SLK: variants seen among roughly 807,000 people sequenced by gnomAD.
The protein encoded by SLK is STE20 like kinase.
Under a neutral mutation model 147.7 loss-of-function variants are expected in SLK, and 67 were observed. The ratio of observed to expected loss-of-function variants is 0.45; its 90% CI spans 0.37 to 0.56. The LOEUF is 0.56. SLK is among the 20% of genes least tolerant of loss of function. The pLI is 0.00. For missense variants in SLK, 1,136 were observed against 1,438.8 expected, an observed-to-expected ratio of 0.79 and a Z score of 3.41; for synonymous variants, 441 against 475.0, an observed-to-expected ratio of 0.93 and a Z score of 0.93.
intron 4 of SLK, among the ~76,000 whole-genome samples, chr10:103,997,411 C>A (rs944148845): frequency 2.0e-5 from 3 of 152,186 alleles, no homozygotes; most frequent in Non-Finnish European, 2.9e-5. Context: ...GTCCTACTCC[C>A]TGCTTTTAAT....
intron 1 of SLK, among the ~76,000 whole-genome samples, chr10:103,990,192 G>A (rs1844073499): frequency 6.6e-6 from 1 of 152,152 alleles, no homozygotes; most frequent in African/African-American, 2.4e-5. Context: ...AGGAAGGAGG[G>A]GATGAGTAGG....
Position 104,002,262 on chromosome 10 carries a change from T to C in SLK, c.1084T>C (p.Ser362Pro), listed in dbSNP as rs1335734148. ...KLSQNACILE[S>P]VSEKTERSNS... ...TTCACAAAATGCTTGTATTTTGGAG[T>C]CTGTCTCAGAAAAAACAGAACGTAG... The change falls in exon 9 of 19, where the codon TCT becomes CCT. Residue 362 changes from serine (S) to proline (P), a missense_variant. Ser to Pro is a moderately conservative substitution (Grantham distance 74). Around this residue, in one of 6 missense-constraint regions of SLK, gnomAD observed 516 missense variants for 531.3 expected, o/e 0.97. Coordinates refer to ENST00000369755, the MANE Select transcript of SLK (RefSeq NM_014720.4). 1.2e-6 allele frequency: 2 copies of C among 1,612,766 alleles called. No individual in the cohort carries two copies. Among genetic ancestry groups the C allele is most frequent in the Middle Eastern group, 1.6e-4 (1 of 6,080 alleles).
rs145036013 is a variant in SLK, at chr10:103,997,226, G to A, written c.515-1673G>A. 5.3e-3 allele frequency among the ~76,000 whole-genome samples: 805 copies of A among 152,242 alleles called. 5 individuals carry two copies. Among genetic ancestry groups the A allele is most frequent in the African/African-American group, 0.018 (754 of 41,532 alleles). On this transcript the variant is annotated intron_variant, in intron 4 of 18. Coordinates refer to ENST00000369755, the MANE Select transcript of SLK (RefSeq NM_014720.4). ...TTTTACTTACCATAACGTTCTCAAG[G>A]TTCATCCACGTTGTAGCGTATTTCA...
rs1844614482 is a variant in SLK at position 104,027,550 on chromosome 10, T to G, written c.*1830T>G. 6.5e-6 allele frequency: 1 copy of G among 152,716 alleles called. No homozygotes were observed. Among genetic ancestry groups the G allele is most frequent in the Admixed American group, 6.5e-5 (1 of 15,302 alleles). 9.5% of individuals were successfully genotyped at this position (152,716 alleles called of 1,614,324 possible). ...TATTCAGGATGATGATAAAAATTGT[T>G]TATATTGTTATGATAAAAATGACAG... On this transcript the variant is annotated 3_prime_UTR_variant, in exon 19 of 19. Coordinates refer to ENST00000369755, the MANE Select transcript of SLK (RefSeq NM_014720.4).
intron 1 of SLK, among the ~76,000 whole-genome samples, chr10:103,983,874 A>G (rs920485329): frequency 6.6e-5 from 10 of 151,916 alleles, no homozygotes; most frequent in Non-Finnish European, 1.5e-4. Context: ...GCTGAGCAGC[A>G]CTCTGTCCTC....
chr10:104,016,932 C>T (rs1436239174), intron 13 of SLK, among the ~76,000 whole-genome samples: 1 of 152,210 alleles, frequency 6.6e-6, no homozygotes, highest in Non-Finnish European at 1.5e-5. Flanking sequence ...TCTAAATCCA[C>T]ACAAAAATTG....
At chr10:104,018,314 A>G in intron 14 of SLK, 25 bp downstream of exon 14, 4 of 1,585,884 alleles carry the variant, frequency 2.5e-6, no homozygotes, top group Non-Finnish European at 3.4e-6. Flanking sequence ...ATTAAGAAAT[A>G]CTGCAAAATG....
intron 13 of SLK, among the ~76,000 whole-genome samples, chr10:104,013,463 A>G (rs936186751): frequency 8.5e-5 from 13 of 152,266 alleles, no homozygotes; most frequent in Non-Finnish European, 1.5e-4. Context: ...TTTGGAAACC[A>G]CTGATCTAGT....
At chr10:103,994,783 T>G (rs1005763807) in intron 4 of SLK, among the ~76,000 whole-genome samples, 2 of 152,216 alleles carry the variant, frequency 1.3e-5, no homozygotes, top group African/African-American at 4.8e-5. Context: ...CCTGTTGTGT[T>G]TCCCTCAAAC....
At chr10:103,998,764 C>A in intron 4 of SLK, 135 bp from the exon 5 acceptor site, 1 of 581,660 alleles carries the variant, frequency 1.7e-6, no homozygotes, top group South Asian at 2.7e-5. Flanking sequence ...GGAGAGACAT[C>A]TTTTTCTTTC....
intron 1 of SLK, among the ~76,000 whole-genome samples, chr10:103,986,887 A>AGGCT (rs922291669): frequency 6.6e-6 from 1 of 152,064 alleles, no homozygotes; most frequent in Non-Finnish European, 1.5e-5. Context: ...CATGTTGGCC[A>AGGCT]GGCTGGTCTT....
At chr10:103,978,159 T>A (rs1201942964) in intron 1 of SLK, among the ~76,000 whole-genome samples, 1 of 152,200 alleles carries the variant, frequency 6.6e-6, no homozygotes, top group Non-Finnish European at 1.5e-5. Flanking sequence ...GTGAATTATT[T>A]TATAATATAT....
At chr10:104,017,271 C>T (rs1457638033) in intron 13 of SLK, among the ~76,000 whole-genome samples, 1 of 152,154 alleles carries the variant, frequency 6.6e-6, no homozygotes, top group Non-Finnish European at 1.5e-5. Flanking sequence ...ACTCACTTTC[C>T]TATCTCCAGT....
chr10:104,021,850 A>G lies in SLK; in HGVS notation c.3561+117A>G. ...CAGGGGCAGGAAACATAGAGATGAA[A>G]AGACAAAGTTTTTGTCCCCAGAAGT... On this transcript the variant is annotated intron_variant, in intron 18 of 18. Coordinates refer to ENST00000369755, the MANE Select transcript of SLK (RefSeq NM_014720.4). 5 of 607,354 alleles carry G rather than the reference A, an allele frequency of 8.2e-6. No individual in the cohort carries two copies. The South Asian group carries it at 8.9e-5, about 11-fold the overall frequency. The allele number at this position is 607,354 out of a possible 1,614,324, so 37.6% of individuals were successfully genotyped here. A position where few individuals can be genotyped will look rare whatever the true frequency, so the allele number is the denominator to read the frequency against.
chr10:103,992,776 G>GT, intron 3 of SLK, 130 bp downstream of exon 3: 1 of 193,370 alleles, frequency 5.2e-6, no homozygotes, highest in Non-Finnish European at 8.8e-6. Context: ...ACTCAAGTAT[G>GT]TTTTTATATT....
intron 11 of SLK, among the ~76,000 whole-genome samples, chr10:104,006,329 T>C (rs1232351869): frequency 6.6e-6 from 1 of 152,232 alleles, no homozygotes; most frequent in African/African-American, 2.4e-5. Flanking sequence ...ACAAAGTTCC[T>C]AGATTTGCCT....
chr10:104,011,782 G>A (rs901472311), intron 13 of SLK, among the ~76,000 whole-genome samples: 1 of 152,060 alleles, frequency 6.6e-6, no homozygotes, highest in Admixed American at 6.5e-5. Context: ...GGATGGTCTC[G>A]ATCTCTTGAC....
intron 12 of SLK, among the ~76,000 whole-genome samples, chr10:104,009,297 A>G: frequency 6.6e-6 from 1 of 152,170 alleles, no homozygotes; most frequent in East Asian, 1.9e-4. Flanking sequence ...TAATAAATGC[A>G]TTTTCACTTT....
chr10:103,994,042 G>A (rs2134477459), intron 4 of SLK, among the ~76,000 whole-genome samples: 1 of 152,118 alleles, frequency 6.6e-6, no homozygotes. Context: ...CTGCAGGCAT[G>A]CACCACCACG....
Sources: gnomAD v4.1 joint callset for allele counts (sites outside exome capture counted in the v4.1 genomes callset) on GRCh38, gnomAD v4.1.1 for gene constraint, gnomAD v4.1.1 regional missense constraint, MANE v1.5 for transcripts, NCBI Gene and HGNC (gene_info 2026-07-23, HGNC 2026-07-21) for gene names.